DPP10: variants seen among roughly 807,000 people sequenced by gnomAD.
DPP10 encodes inactive dipeptidyl peptidase 10.
DPP10 carries 33 observed loss-of-function variants against 120.9 expected under a neutral mutation model. The ratio of observed to expected loss-of-function variants is 0.27; its 90% confidence interval spans 0.21 to 0.37. DPP10 has a LOEUF of 0.37. Among genes scored for constraint, DPP10 ranks in the 10% least tolerant of loss-of-function variants. The pLI is 1.00. For missense variants in DPP10, 816 were observed against 942.8 expected, an observed-to-expected ratio of 0.87 and a Z score of 1.76; for synonymous variants, 337 against 326.1, an observed-to-expected ratio of 1.03 and a Z score of -0.36.
chr2:115,694,445 G>A (rs2091476027), intron 7 of DPP10, among the ~76,000 whole-genome samples: 1 of 152,132 alleles, frequency 6.6e-6, no homozygotes, highest in Admixed American at 6.5e-5. Context: ...TTAGAACTCA[G>A]AATATTGAGG....
chr2:115,285,429 C>T (rs931503167), intron 1 of DPP10, among the ~76,000 whole-genome samples: 1 of 152,018 alleles, frequency 6.6e-6, no homozygotes, highest in African/African-American at 2.4e-5. Flanking sequence ...ATCATTATCT[C>T]TACATGTTGA....
intron 1 of DPP10, among the ~76,000 whole-genome samples, chr2:115,094,659 T>G (rs1448848756): frequency 6.6e-6 from 1 of 152,160 alleles, no homozygotes. Context: ...GTCAGCAGAA[T>G]TTCATTAACT....
chr2:115,585,578 T>G (rs1226919865), intron 5 of DPP10, among the ~76,000 whole-genome samples: 2 of 152,228 alleles, frequency 1.3e-5, no homozygotes, highest in African/African-American at 4.8e-5. Flanking sequence ...CCTTCCTTCC[T>G]TTCTTTTTTC....
At chr2:115,136,791 G>T (rs965234958) in intron 1 of DPP10, among the ~76,000 whole-genome samples, 1 of 152,170 alleles carries the variant, frequency 6.6e-6, no homozygotes, top group Non-Finnish European at 1.5e-5. Flanking sequence ...TGTTTCAGAG[G>T]TTGACCCAAG....
chr2:115,626,058 A>T (rs2085333101), intron 5 of DPP10, among the ~76,000 whole-genome samples: 1 of 151,466 alleles, frequency 6.6e-6, no homozygotes, highest in Non-Finnish European at 1.5e-5. Flanking sequence ...AACAAAAAAC[A>T]GAAGTATAAA....
chr2:115,662,575 A>G (rs2089090335), intron 5 of DPP10, among the ~76,000 whole-genome samples: 2 of 152,142 alleles, frequency 1.3e-5, no homozygotes, highest in Non-Finnish European at 2.9e-5. Flanking sequence ...GCAAATCAAA[A>G]CCACACTGAA....
At chr2:115,819,953 C>G (rs562043448) in intron 21 of DPP10, among the ~76,000 whole-genome samples, 18 of 152,320 alleles carry the variant, frequency 1.2e-4, no homozygotes, top group African/African-American at 4.3e-4. Flanking sequence ...GAGATCGGAC[C>G]ATTGCACTCC....
chr2:115,345,624 A>G (rs1329659382), intron 3 of DPP10, among the ~76,000 whole-genome samples: 2 of 152,138 alleles, frequency 1.3e-5, no homozygotes, highest in Non-Finnish European at 2.9e-5. Flanking sequence ...TTTGGAAAAC[A>G]TGAAAAATTA....
intron 3 of DPP10, among the ~76,000 whole-genome samples, chr2:115,421,404 GC>G (rs1404941323): frequency 6.6e-6 from 1 of 152,060 alleles, no homozygotes; most frequent in African/African-American, 2.4e-5. Context: ...TGTTCTTACT[GC>G]TAAGAACTTT....
rs1575758087 is a variant in DPP10, at chr2:115,780,898, T to C, written c.1386T>C (p.Asn462=). ...LYSASTEGLL[N]RQCISCNFMK... ...GTGCTTCTACTGAAGGATTATTGAA[T>C]CGCCAATGCATTTCATGTAATTTCA... The change falls in exon 16 of 26, where the codon AAT becomes AAC. Residue 462 remains asparagine, a synonymous_variant. Transcript: ENST00000410059. 6.2e-7 allele frequency: 1 copy of C among 1,603,856 alleles called. No homozygotes were observed. Among genetic ancestry groups the C allele is most frequent in the Non-Finnish European group, 8.5e-7 (1 of 1,173,576 alleles).
intron 1 of DPP10, among the ~76,000 whole-genome samples, chr2:114,826,637 T>A (rs1319297017): frequency 6.6e-6 from 1 of 152,140 alleles, no homozygotes; most frequent in African/African-American, 2.4e-5. Context: ...TTCAAGTGAT[T>A]CTTCTGCCTC....
intron 1 of DPP10, among the ~76,000 whole-genome samples, chr2:115,213,567 C>A (rs1177720519): frequency 6.6e-6 from 1 of 152,008 alleles, no homozygotes; most frequent in African/African-American, 2.4e-5. Flanking sequence ...GTTCCTCTGA[C>A]ACTATTTTTC....
chr2:114,527,785 A>G (rs1685625774), intron 1 of DPP10, among the ~76,000 whole-genome samples: 2 of 152,218 alleles, frequency 1.3e-5, no homozygotes, highest in African/African-American at 4.8e-5. Context: ...TATATGGTAC[A>G]GCCTATTGCT....
chr2:115,758,024 A>G (rs1406817944), intron 11 of DPP10, among the ~76,000 whole-genome samples: 1 of 152,102 alleles, frequency 6.6e-6, no homozygotes, highest in African/African-American at 2.4e-5. Flanking sequence ...ACTTTACCAG[A>G]GGCCCCACTC....
At chr2:114,866,642 A>G (rs1411656036) in intron 1 of DPP10, among the ~76,000 whole-genome samples, 2 of 152,222 alleles carry the variant, frequency 1.3e-5, no homozygotes, top group Non-Finnish European at 2.9e-5. Flanking sequence ...TAATTTGCCC[A>G]AGGTCACACA....
At chr2:115,094,837 G>C (rs1709580054) in intron 1 of DPP10, among the ~76,000 whole-genome samples, 1 of 152,064 alleles carries the variant, frequency 6.6e-6, no homozygotes, top group Non-Finnish European at 1.5e-5. Context: ...TAACTTACGA[G>C]GGTTTAAAAA....
intron 1 of DPP10, among the ~76,000 whole-genome samples, chr2:114,711,401 GA>G (rs1701020686): frequency 6.6e-6 from 1 of 152,194 alleles, no homozygotes; most frequent in Non-Finnish European, 1.5e-5. Flanking sequence ...GAGAGTTTGA[GA>G]AAATGGGTTC....
chr2:115,568,789 G>A (rs2081174817), intron 5 of DPP10, among the ~76,000 whole-genome samples: 1 of 152,104 alleles, frequency 6.6e-6, no homozygotes, highest in Non-Finnish European at 1.5e-5. Flanking sequence ...CCTTCTGCTA[G>A]CCCTGTTTCC....
intron 5 of DPP10, among the ~76,000 whole-genome samples, chr2:115,543,304 A>G (rs1349417566): frequency 6.6e-6 from 1 of 152,012 alleles, no homozygotes; most frequent in Non-Finnish European, 1.5e-5. Context: ...ATCAAAGAAT[A>G]AAAAGGGTAT....
Sources: gnomAD v4.1 joint callset for allele counts (sites outside exome capture counted in the v4.1 genomes callset) on GRCh38, gnomAD v4.1.1 for gene constraint, MANE v1.5 for transcripts, NCBI Gene and HGNC (gene_info 2026-07-23, HGNC 2026-07-21) for gene names.